CUBN: variants seen among roughly 807,000 people sequenced by gnomAD.
CUBN encodes the protein 460 kDa receptor.
Under a neutral mutation model 405.3 loss-of-function variants are expected in CUBN, and 282 were observed. That is an observed-to-expected ratio of 0.70 (90% confidence interval 0.63 to 0.77). The LOEUF (loss-of-function observed/expected upper bound fraction) is 0.77. Ranked by LOEUF, CUBN falls within the 30% of genes least tolerant of loss-of-function variation. The probability of loss-of-function intolerance (pLI) is 0.00; values close to 1 mark genes in which losing one functional copy is unlikely to be tolerated. For missense variants in CUBN, 4,514 were observed against 4,475.2 expected, an observed-to-expected ratio of 1.01 and a Z score of -0.25; for synonymous variants, 1,684 against 1,617.0, an observed-to-expected ratio of 1.04 and a Z score of -0.99.
chr10:16,901,945 G>GTA (rs769364445), intron 51 of CUBN, among the ~76,000 whole-genome samples: 2,194 of 99,172 alleles, frequency 0.022, 30 homozygotes, highest in Non-Finnish European at 0.027. Context: ...ACCATATATA[G>GTA]TATATATATA....
Position 17,114,031 on chromosome 10 carries a change from T to C in CUBN, c.879A>G (p.Pro293=), listed in dbSNP as rs142466038. The C allele has an allele frequency of 6.9e-5, 112 of 1,612,494 alleles. No homozygotes were observed. The Middle Eastern group carries it at 3.0e-3, about 43-fold the overall frequency. The change falls in exon 8 of 67, where the codon CCA becomes CCG. Residue 293 remains proline (P), a synonymous_variant. Coordinates refer to ENST00000377833, the MANE Select transcript of CUBN (RefSeq NM_001081.4). ...CTTGTGGCCCTGAGAATGTACCTGTTGGACAGGCCCCACAGTAGAAAGAGC... is the reference window on the plus strand; with the variant it reads ...CTTGTGGCCCTGAGAATGTACCTGTCGGACAGGCCCCACAGTAGAAAGAGC... The part of the protein sequence containing the change: ...TQGSFYCGAC[P]TGWQGNGYIC...
chr10:17,080,990 AACTTC>A (rs1835953035), intron 17 of CUBN, among the ~76,000 whole-genome samples: 2 of 152,200 alleles, frequency 1.3e-5, no homozygotes, highest in African/African-American at 4.8e-5. Flanking sequence ...TAAAAGTAGA[AACTTC>A]ACTTAAGAGA....
chr10:16,975,362 T>C (rs1564456725), intron 31 of CUBN, among the ~76,000 whole-genome samples: 2 of 152,260 alleles, frequency 1.3e-5, no homozygotes, highest in Non-Finnish European at 2.9e-5. Context: ...GAAAACCTTG[T>C]CTGTGTGTTT....
intron 59 of CUBN, among the ~76,000 whole-genome samples, chr10:16,859,348 T>C (rs1000013462): frequency 1.3e-5 from 2 of 152,150 alleles, no homozygotes; most frequent in Admixed American, 6.5e-5. Flanking sequence ...AGAATAGATA[T>C]ATAGATGACG....
At chr10:17,021,558 G>C (rs530423468) in intron 27 of CUBN, among the ~76,000 whole-genome samples, 27 of 152,326 alleles carry the variant, frequency 1.8e-4, no homozygotes, top group African/African-American at 6.3e-4. Context: ...TTAAGAGTAT[G>C]TGTGAGTGTC....
At chr10:16,957,881 G>T (rs1843112085) in intron 31 of CUBN, among the ~76,000 whole-genome samples, 1 of 137,344 alleles carries the variant, frequency 7.3e-6, no homozygotes, top group African/African-American at 2.7e-5. Flanking sequence ...GTTCTATGGT[G>T]TTTATAGACT....
chr10:17,089,279 A>G (rs567745880), intron 14 of CUBN, among the ~76,000 whole-genome samples: 19 of 152,318 alleles, frequency 1.2e-4, no homozygotes, highest in African/African-American at 4.6e-4. Context: ...TCAGTTCTTC[A>G]GAAAAAGAGG....
In CUBN at chr10:16,928,274, C is replaced by T; in HGVS notation, c.6154G>A (p.Val2052Ile). ...GDNNLAQQLA[V>I]LCGREIPGPI... ...CCAGGGATCTCTCTGCCACAGAGAA[C>T]TGCTAGCTGCTGGGCCAAGTTATTA... Residue 2052 changes from valine to isoleucine, a missense_variant, in exon 41 of 67, where the codon GTT (valine) becomes ATT (isoleucine). Physicochemically the swap from Val to Ile is conservative, Grantham distance 29 (BLOSUM62 3). Coordinates refer to ENST00000377833, the MANE Select transcript of CUBN (RefSeq NM_001081.4). 1.2e-6 allele frequency: 2 copies of T among 1,613,928 alleles called. No individual in the cohort carries two copies. The highest frequency in any genetic ancestry group is 1.7e-6 in the Non-Finnish European group (2 of 1,179,892).
chr10:16,911,388 T>C (rs1841728873), intron 48 of CUBN, among the ~76,000 whole-genome samples: 1 of 152,150 alleles, frequency 6.6e-6, no homozygotes, highest in African/African-American at 2.4e-5. Flanking sequence ...GCATACCCCA[T>C]GTGTGTTTGT....
intron 34 of CUBN, 64 bp from the exon 35 acceptor site, chr10:16,948,670 G>C: frequency 6.3e-7 from 1 of 1,597,920 alleles, no homozygotes; most frequent in Non-Finnish European, 8.5e-7. Flanking sequence ...CTGTTTCTAG[G>C]AAACACATCT....
chr10:17,069,614 G>A (rs1835691729), intron 19 of CUBN, among the ~76,000 whole-genome samples: 1 of 152,170 alleles, frequency 6.6e-6, no homozygotes, highest in Admixed American at 6.5e-5. Flanking sequence ...CACAATCATA[G>A]CTCACTGCAG....
At chr10:17,103,574 G>T (rs1259419681) in intron 12 of CUBN, among the ~76,000 whole-genome samples, 6 of 152,142 alleles carry the variant, frequency 3.9e-5, no homozygotes, top group Non-Finnish European at 8.8e-5. Context: ...CTCCCATTGG[G>T]GTTGGTCTTG....
In CUBN at chr10:16,916,255, A is replaced by G. The variant is rs1841880913; in HGVS notation, c.7001-225T>C. ...AGAAATGATACCACAAGTCCAATAC[A>G]ATAATGGGAAACAGAAGATGATGAC... On this transcript the variant is annotated intron_variant, in intron 45 of 66. Coordinates refer to ENST00000377833, the MANE Select transcript of CUBN (RefSeq NM_001081.4). 2.0e-5 allele frequency among the ~76,000 whole-genome samples: 3 copies of G among 152,228 alleles called. No individual in the cohort carries two copies. The South Asian group carries it at 6.2e-4, about 31-fold the overall frequency.
chr10:16,858,801 A>G (rs1228060442), intron 59 of CUBN, among the ~76,000 whole-genome samples: 1 of 152,250 alleles, frequency 6.6e-6, no homozygotes, highest in Non-Finnish European at 1.5e-5. Flanking sequence ...AATAGAATAC[A>G]GAACCCAGAA....
rs541738199 is a variant in CUBN, at chr10:16,971,262, T to TA, written c.4695+11221dup. Among the ~76,000 whole-genome samples, 347 of 152,344 alleles carry TA rather than the reference T, an allele frequency of 2.3e-3. 3 individuals are homozygous for TA. The highest frequency in any genetic ancestry group is 7.6e-3 in the African/African-American group (318 of 41,584). The stretch of plus-strand genomic sequence containing the variant: ...ATATGAACTGAGACTGCAGAGATAT[T>TA]ATGTAAGATGTTGGACTTTGGGGTA... On this transcript the variant is annotated intron_variant, in intron 31 of 66. Coordinates refer to ENST00000377833, the MANE Select transcript of CUBN (RefSeq NM_001081.4).
intron 54 of CUBN, among the ~76,000 whole-genome samples, chr10:16,895,745 C>G (rs775680758): frequency 6.6e-6 from 1 of 152,060 alleles, no homozygotes; most frequent in Non-Finnish European, 1.5e-5. Context: ...GCATGACATC[C>G]TTTTCCATCC....
At chr10:17,040,523 T>A (rs76434952) in intron 27 of CUBN, among the ~76,000 whole-genome samples, 3,261 of 152,252 alleles carry the variant, frequency 0.021, 126 homozygotes, top group African/African-American at 0.074. Context: ...TTGCCTGAAA[T>A]TGCATACAGA....
chr10:16,914,121 T>C, intron 47 of CUBN, 129 bp from the exon 48 acceptor site: 1 of 980,306 alleles, frequency 1.0e-6, no homozygotes, highest in East Asian at 2.6e-5. Flanking sequence ...TATTTATTTA[T>C]GTGCATGAGG....
At chr10:16,992,651 C>T (rs1200421935) in intron 28 of CUBN, among the ~76,000 whole-genome samples, 1 of 152,138 alleles carries the variant, frequency 6.6e-6, no homozygotes, top group East Asian at 1.9e-4. Context: ...AATCTTGATT[C>T]GGCAGAGAAA....
Sources: gnomAD v4.1 joint callset for allele counts (sites outside exome capture counted in the v4.1 genomes callset) on GRCh38, gnomAD v4.1.1 for gene constraint, MANE v1.5 for transcripts, NCBI Gene and HGNC (gene_info 2026-07-23, HGNC 2026-07-21) for gene names.